The following UTRN variants were observed in gnomAD, a reference collection of about 807,000 sequenced individuals.
UTRN encodes dystrophin-related protein 1.
UTRN carries 283 observed loss-of-function variants against 463.9 expected under a neutral mutation model. That is an observed-to-expected ratio of 0.61 (90% confidence interval 0.55 to 0.67). The LOEUF (loss-of-function observed/expected upper bound fraction) is 0.67. Among genes scored for constraint, UTRN ranks in the 30% least tolerant of loss-of-function variants. The pLI, the probability that UTRN is intolerant of heterozygous loss-of-function variation, is 0.00. For synonymous variants in UTRN, 1,442 were observed against 1,431.5 expected, an observed-to-expected ratio of 1.01 and a Z score of -0.17; for missense variants, 3,922 against 4,084.3, an observed-to-expected ratio of 0.96 and a Z score of 1.08.
chr6:144,411,769 A>G (rs575750055), intron 3 of UTRN, among the ~76,000 whole-genome samples: 1 of 152,238 alleles, frequency 6.6e-6, no homozygotes, highest in South Asian at 2.1e-4. Flanking sequence ...GACCAGCACC[A>G]TCTGTTTCTC....
intron 65 of UTRN, among the ~76,000 whole-genome samples, chr6:144,804,448 A>T (rs1777967625): frequency 6.6e-6 from 1 of 152,234 alleles, no homozygotes; most frequent in Non-Finnish European, 1.5e-5. Flanking sequence ...AAAGATAAGC[A>T]AAACCAGACA....
chr6:144,317,782 T>A (rs910488570), intron 2 of UTRN, among the ~76,000 whole-genome samples: 12 of 152,236 alleles, frequency 7.9e-5, no homozygotes, highest in Non-Finnish European at 1.5e-4. Context: ...ATTAATTTTT[T>A]AAAATAGTCC....
chr6:144,675,033 T>G (rs1266160863), intron 51 of UTRN, among the ~76,000 whole-genome samples: 1 of 152,242 alleles, frequency 6.6e-6, no homozygotes, highest in African/African-American at 2.4e-5. Flanking sequence ...GAACATTATT[T>G]TTTCATATTA....
At chr6:144,472,373 C>T (rs944321747) in intron 23 of UTRN, among the ~76,000 whole-genome samples, 1 of 150,672 alleles carries the variant, frequency 6.6e-6, no homozygotes, top group Non-Finnish European at 1.5e-5. Context: ...GATAACATCT[C>T]ACATTTGAAG....
At chr6:144,561,702 G>A (rs766421256) in intron 50 of UTRN, among the ~76,000 whole-genome samples, 24 of 152,058 alleles carry the variant, frequency 1.6e-4, no homozygotes, top group Non-Finnish European at 2.9e-4. Context: ...TCAACTCACC[G>A]AGTCACCATT....
chr6:144,346,714 T>A (rs1330415247), intron 2 of UTRN, among the ~76,000 whole-genome samples: 2 of 151,986 alleles, frequency 1.3e-5, no homozygotes, highest in African/African-American at 4.8e-5. Context: ...TCCCAGCTAC[T>A]TGGGAGGCTG....
At chr6:144,458,292 C>T (rs1218934451) in intron 19 of UTRN, among the ~76,000 whole-genome samples, 1 of 152,190 alleles carries the variant, frequency 6.6e-6, no homozygotes, top group Admixed American at 6.5e-5. Context: ...GCATCCTCGC[C>T]ATTCATTTTT....
At chr6:144,825,957 T>C (rs1780137570) in intron 66 of UTRN, among the ~76,000 whole-genome samples, 1 of 125,326 alleles carries the variant, frequency 8.0e-6, no homozygotes, top group Admixed American at 1.1e-4. Flanking sequence ...TGAGAACACA[T>C]GGACACAGGA....
chr6:144,774,252 A>G, intron 59 of UTRN, 38 bp from the exon 60 acceptor site: 2 of 1,555,540 alleles, frequency 1.3e-6, no homozygotes, highest in African/African-American at 2.8e-5. Flanking sequence ...ATATTCAATA[A>G]TAAGCCTATC....
intron 27 of UTRN, among the ~76,000 whole-genome samples, chr6:144,483,413 A>T (rs1348609605): frequency 6.6e-6 from 1 of 152,026 alleles, no homozygotes; most frequent in Non-Finnish European, 1.5e-5. Context: ...TTTTATTCTA[A>T]TTCAGTGGCT....
At chr6:144,307,121 T>C (rs1805813727) in intron 2 of UTRN, among the ~76,000 whole-genome samples, 1 of 152,106 alleles carries the variant, frequency 6.6e-6, no homozygotes, top group South Asian at 2.1e-4. Flanking sequence ...TTTTCTGAGA[T>C]ATTTTTGACT....
intron 2 of UTRN, among the ~76,000 whole-genome samples, chr6:144,343,331 C>A (rs1304235828): frequency 2.0e-5 from 3 of 151,042 alleles, no homozygotes; most frequent in African/African-American, 7.3e-5. Context: ...CGAGACCAGC[C>A]TGACCAACAT....
chr6:144,551,419 T>C (rs917720424), intron 48 of UTRN, among the ~76,000 whole-genome samples: 2 of 152,326 alleles, frequency 1.3e-5, no homozygotes, highest in East Asian at 1.9e-4. Flanking sequence ...AGAATGCAAA[T>C]CCTTTCTCTC....
intron 2 of UTRN, among the ~76,000 whole-genome samples, chr6:144,317,490 G>A (rs544972816): frequency 3.3e-5 from 5 of 152,014 alleles, no homozygotes; most frequent in Admixed American, 3.3e-4. Flanking sequence ...TCTGCCTCTC[G>A]GGTTCAAGCA....
intron 28 of UTRN, among the ~76,000 whole-genome samples, chr6:144,486,145 G>T (rs983360898): frequency 1.3e-5 from 2 of 152,190 alleles, no homozygotes; most frequent in East Asian, 3.8e-4. Flanking sequence ...AAAAGGGAAG[G>T]GGGTAGATAG....
intron 2 of UTRN, among the ~76,000 whole-genome samples, chr6:144,396,016 C>A (rs760042611): frequency 6.6e-6 from 1 of 151,766 alleles, no homozygotes; most frequent in South Asian, 2.1e-4. Context: ...ATTAACCTAG[C>A]AATTTCACTC....
rs1795114943 is a variant in UTRN at position 144,510,959 on chromosome 6, C to T, written c.4780C>T (p.Leu1594=). 1 of 1,594,382 alleles carries T rather than the reference C, an allele frequency of 6.3e-7. No homozygotes were observed. The highest frequency in any genetic ancestry group is 8.6e-7 in the Non-Finnish European group (1 of 1,167,738). ...TATTTTCTAGAATGTTCTGAAGGAT[C>T]TGGAAAAGAGAAAAGCTGATTTAAA... The part of the protein sequence containing the change: ...ISWAKNVLKD[L]EKRKADLNTI... Residue 1594 remains leucine, a synonymous_variant, in exon 35 of 75, where the codon CTG becomes TTG. Transcript: ENST00000367545.
At position 144,477,869 on chromosome 6, in the gene UTRN, CTCTATCTATCTA is replaced by C. The variant is rs34192951; in HGVS notation, c.3337-1912_3337-1901del. On this transcript the variant is annotated intron_variant, in intron 25 of 74. Coordinates refer to ENST00000367545, the MANE Select transcript of UTRN (RefSeq NM_007124.3). ...GAAGGTGATAATTAGAAGTTTGTATCTCTATCTATCTATCTATCTATCTATCTATCTATCTAT... is the reference window on the plus strand; with the variant it reads ...GAAGGTGATAATTAGAAGTTTGTATCTCTATCTATCTATCTATCTATCTAT... 3.1e-3 allele frequency among the ~76,000 whole-genome samples: 457 copies of C among 148,892 alleles called. 4 individuals are homozygous for C. The highest frequency in any genetic ancestry group is 9.3e-3 in the African/African-American group (371 of 39,816).
intron 51 of UTRN, among the ~76,000 whole-genome samples, chr6:144,668,573 A>C (rs905339073): frequency 6.6e-6 from 1 of 152,168 alleles, no homozygotes; most frequent in Non-Finnish European, 1.5e-5. Context: ...TGGGAAGTCC[A>C]AGATCATGGC....
Sources: gnomAD v4.1 joint callset for allele counts (sites outside exome capture counted in the v4.1 genomes callset) on GRCh38, gnomAD v4.1.1 for gene constraint, MANE v1.5 for transcripts, NCBI Gene and HGNC (gene_info 2026-07-23, HGNC 2026-07-21) for gene names.